The following KCNN1 variants were observed in gnomAD, a reference collection of about 807,000 sequenced individuals.
The protein encoded by KCNN1 is potassium calcium-activated channel subfamily N member 1.
In KCNN1, 20 loss-of-function variants were observed where a neutral mutation model predicts 44.7. The observed-to-expected ratio is 0.45, with a 90% CI of 0.32 to 0.65. The LOEUF (loss-of-function observed/expected upper bound fraction) is 0.65, where lower values mean the gene tolerates loss of function less well. Ranked by LOEUF, KCNN1 falls within the 30% of genes least tolerant of loss-of-function variation. KCNN1 has a pLI of 0.05. For synonymous variants in KCNN1, 324 were observed against 341.7 expected (o/e 0.95, Z 0.57); for missense variants, 632 against 785.3 (o/e 0.80, Z 2.33).
At chr19:17,971,737 T>C (rs963883017) in intron 1 of KCNN1, among the ~76,000 whole-genome samples, 1 of 151,974 alleles carries the variant, frequency 6.6e-6, no homozygotes, top group African/African-American at 2.4e-5. Flanking sequence ...GTGCTGGGAT[T>C]CCAGGCGTGA....
chr19:17,980,228 ATTTTTT>A (rs34810089), intron 3 of KCNN1, among the ~76,000 whole-genome samples: 40 of 44,536 alleles, frequency 9.0e-4, no homozygotes, highest in Middle Eastern at 0.026. Flanking sequence ...CACCTAGCTA[ATTTTTT>A]TTTTTTTTTT....
At chr19:17,984,875 G>A (rs780961107) in intron 4 of KCNN1, among the ~76,000 whole-genome samples, 1 of 151,964 alleles carries the variant, frequency 6.6e-6, no homozygotes, top group Non-Finnish European at 1.5e-5. Context: ...TTCTTCACTC[G>A]AGCCCCAGGT....
intron 1 of KCNN1, among the ~76,000 whole-genome samples, chr19:17,953,449 G>A (rs1487064141): frequency 6.6e-6 from 1 of 152,170 alleles, no homozygotes; most frequent in Non-Finnish European, 1.5e-5. Context: ...GGCAGCTGGG[G>A]GTTTCCCCTT....
Position 17,998,220 on chromosome 19 carries a change from G to T in KCNN1, c.1446G>T (p.Leu482=). ...AGCACGAGGAGCTGGAGGCCCGCCTGGCCACCCTGGAAAGCCGCTTGGATG... is the reference window on the plus strand; with the variant it reads ...AGCACGAGGAGCTGGAGGCCCGCCTTGCCACCCTGGAAAGCCGCTTGGATG... The part of the protein sequence containing the change: ...HAQHEELEAR[L]ATLESRLDAL... The change falls in exon 10 of 10, where the codon CTG becomes CTT. Residue 482 remains leucine, a synonymous_variant. Transcript: ENST00000684775. This position sits in a 1 kb window ranked among gnomAD's most constrained non-coding sequence, Gnocchi z 5.4. 1 of 1,585,118 alleles carries T rather than the reference G, an allele frequency of 6.3e-7. No homozygotes were observed. The highest frequency in any genetic ancestry group is 8.6e-7 in the Non-Finnish European group (1 of 1,167,266).
At chr19:17,967,441 G>T in intron 1 of KCNN1, 124 bp downstream of exon 1, 1 of 324,676 alleles carries the variant, frequency 3.1e-6, no homozygotes, top group Non-Finnish European at 4.4e-6. Context: ...GAGGGTCTCC[G>T]TGCGGTCCGG....
At chr19:17,967,010 C>CG (rs1208607505), upstream of KCNN1, 6 of 446,296 alleles carry the variant, frequency 1.3e-5, no homozygotes, top group South Asian at 9.3e-5. Context: ...TAAATATGGG[C>CG]GGGGCTTGCG....
At chr19:17,995,347 T>C (rs1010221743) in intron 9 of KCNN1, among the ~76,000 whole-genome samples, 4 of 152,058 alleles carry the variant, frequency 2.6e-5, no homozygotes, top group Admixed American at 2.6e-4. Context: ...CTAATTTTTG[T>C]ATTTTTTGTA....
rs2032867436 is a variant in KCNN1, at chr19:17,993,411, G to A, written c.1308-79G>A. On this transcript the variant is annotated intron_variant, in intron 8 of 9. Coordinates refer to ENST00000684775, the MANE Select transcript of KCNN1 (RefSeq NM_001386974.1). The surrounding 1 kb of genome is among the most constrained non-coding windows in gnomAD (Gnocchi z 4.5). ...ATGTCCCATAGGTGACCCCGGGTGG[G>A]TGCATGAAAGTCCCTGCCCCCACTG... 9.5e-7 allele frequency: 1 copy of A among 1,056,228 alleles called. No individual in the cohort carries two copies. The highest frequency in any genetic ancestry group is 1.4e-6 in the Non-Finnish European group (1 of 691,898). 65.4% of individuals were successfully genotyped at this position (1,056,228 alleles called of 1,614,324 possible).
intron 1 of KCNN1, among the ~76,000 whole-genome samples, chr19:17,968,427 G>T (rs1166868498): frequency 6.6e-6 from 1 of 151,866 alleles, no homozygotes; most frequent in African/African-American, 2.4e-5. Flanking sequence ...TGGGGGGGTG[G>T]GGGGGAGGCA....
chr19:17,997,920 G>A (rs916806522), intron 9 of KCNN1, among the ~76,000 whole-genome samples: 1 of 151,154 alleles, frequency 6.6e-6, no homozygotes, highest in Non-Finnish European at 1.5e-5. Context: ...AAAAAAGAGA[G>A]AAAGAAAAGA....
Position 17,958,688 on chromosome 19 carries a change from G to GTATTTATTTATTTATT in KCNN1, c.-82+4019_-82+4034dup, listed in dbSNP as rs151293226. Among the ~76,000 whole-genome samples the GTATTTATTTATTTATT allele has an allele frequency of 9.4e-3, 1,391 of 148,566 alleles. 30 individuals are homozygous for GTATTTATTTATTTATT. The highest frequency in any genetic ancestry group is 0.031 in the African/African-American group (1,229 of 40,192). ...ATTTTATTTATTTATATTTTCAATT[G>GTATTTATTTATTTATT]TATTTATTTATTTATTTATTTATTT... On this transcript the variant is annotated intron_variant, in intron 2 of 10. Transcript: ENST00000222249.
At chr19:17,971,438 G>A (rs1293130106) in intron 1 of KCNN1, among the ~76,000 whole-genome samples, 1 of 152,100 alleles carries the variant, frequency 6.6e-6, no homozygotes, top group Non-Finnish European at 1.5e-5. Flanking sequence ...CAAGGAGAAG[G>A]TGTGTCTTCA....
chr19:17,986,960 C>T (rs1311688845), intron 5 of KCNN1, among the ~76,000 whole-genome samples: 3 of 152,030 alleles, frequency 2.0e-5, no homozygotes, highest in African/African-American at 7.3e-5. Context: ...GCGCCTGCCA[C>T]CAGGCTCGGC....
chr19:17,952,681 C>G (rs530242794), intron 1 of KCNN1, among the ~76,000 whole-genome samples: 1 of 152,140 alleles, frequency 6.6e-6, no homozygotes, highest in African/African-American at 2.4e-5. Flanking sequence ...CCCGTTGCCC[C>G]CTCCTCCCTC....
intron 1 of KCNN1, among the ~76,000 whole-genome samples, chr19:17,954,313 C>T (rs2031489278): frequency 6.6e-6 from 1 of 152,074 alleles, no homozygotes; most frequent in Non-Finnish European, 1.5e-5. Context: ...AAAAAGTAGC[C>T]GGGCATGGTG....
chr19:17,991,150 T>C (rs1380181951), intron 7 of KCNN1, among the ~76,000 whole-genome samples: 1 of 150,960 alleles, frequency 6.6e-6, no homozygotes, highest in East Asian at 1.9e-4. Context: ...CCCCACTCTA[T>C]GTAAAAATTA....
chr19:17,976,414 A>T (rs1341540435), intron 3 of KCNN1, among the ~76,000 whole-genome samples: 1 of 151,986 alleles, frequency 6.6e-6, no homozygotes, highest in Admixed American at 6.6e-5. Flanking sequence ...ATGGACAATT[A>T]TTCAACCTTT....
At chr19:17,953,132 T>G (rs1173260587) in intron 1 of KCNN1, among the ~76,000 whole-genome samples, 3 of 152,142 alleles carry the variant, frequency 2.0e-5, no homozygotes. Flanking sequence ...CTCGCTCTCT[T>G]CCGGGGCTCC....
Position 17,973,906 on chromosome 19 carries a change from C to T in KCNN1, c.18C>T (p.Tyr6=), listed in dbSNP as rs80204151. The T allele has an allele frequency of 1.3e-6, 2 of 1,554,252 alleles. No individual in the cohort carries two copies. The highest frequency in any genetic ancestry group is 1.2e-5 in the South Asian group (1 of 84,782). Reference sequence around the variant, plus strand: ...AGGTAGTCATGAACAGCCACAGCTACAATGGCAGCGTGGGGCGGCCGCTGG... The same window carrying T: ...AGGTAGTCATGAACAGCCACAGCTATAATGGCAGCGTGGGGCGGCCGCTGG... MNSHS[Y]NGSVGRPLGS... Residue 6 remains tyrosine, a synonymous_variant, in exon 2 of 10, where the codon TAC becomes TAT. Transcript: ENST00000684775.
Sources: allele counts gnomAD v4.1 joint callset (sites outside exome capture counted in the v4.1 genomes callset), GRCh38; gene constraint gnomAD v4.1.1; non-coding constraint Gnocchi (gnomAD v3.1); transcripts MANE v1.5; gene names NCBI Gene and HGNC (gene_info 2026-07-23, HGNC 2026-07-21).